NACC2: variants seen among roughly 807,000 people sequenced by gnomAD.
NACC2 encodes the protein NACC family member 2, also known as nucleus accumbens-associated protein 2.
A neutral mutation model predicts 25.1 loss-of-function variants in NACC2; 8 were observed. That is an observed-to-expected ratio of 0.32 (90% CI 0.19 to 0.57). The LOEUF is 0.57. NACC2 is among the 20% of genes least tolerant of loss of function. NACC2 has a pLI of 0.89. For missense variants in NACC2, 644 were observed against 650.2 expected, an observed-to-expected ratio of 0.99 and a Z score of 0.10; for synonymous variants, 435 against 294.7, an observed-to-expected ratio of 1.48 and a Z score of -4.88.
intron 1 of NACC2, among the ~76,000 whole-genome samples, chr9:136,063,040 C>T (rs1446725979): frequency 2.0e-5 from 3 of 152,352 alleles, no homozygotes; most frequent in Non-Finnish European, 1.5e-5. Flanking sequence ...CCGACTTTGC[C>T]GTCACTGTTT....
chr9:136,049,612 T>G (rs1840784473), intron 2 of NACC2, 24 bp downstream of exon 2: 2 of 764,596 alleles, frequency 2.6e-6, no homozygotes, highest in Non-Finnish European at 4.9e-6. Context: ...CCAGGTGGTG[T>G]GGGGCTCCAC....
intron 1 of NACC2, among the ~76,000 whole-genome samples, chr9:136,069,721 A>G (rs953998545): frequency 1.3e-5 from 2 of 151,920 alleles, no homozygotes; most frequent in Non-Finnish European, 2.9e-5. Flanking sequence ...TAAAATTATC[A>G]GAGATAGAGT....
At chr9:136,025,032 AC>A (rs1223329861) in intron 2 of NACC2, among the ~76,000 whole-genome samples, 4 of 152,222 alleles carry the variant, frequency 2.6e-5, no homozygotes, top group African/African-American at 9.6e-5. Flanking sequence ...CTGCCAAGAA[AC>A]GAAAAAAACA....
At chr9:136,041,613 GA>G (rs1220059392) in intron 2 of NACC2, among the ~76,000 whole-genome samples, 3 of 152,258 alleles carry the variant, frequency 2.0e-5, no homozygotes, top group Admixed American at 6.5e-5. Flanking sequence ...CGGGGAAATA[GA>G]AATATCTGCC....
chr9:136,071,414 G>A (rs967060734), intron 1 of NACC2, among the ~76,000 whole-genome samples: 1 of 150,914 alleles, frequency 6.6e-6, no homozygotes, highest in Non-Finnish European at 1.5e-5. Context: ...GTGGAGGCAG[G>A]TGCCTGTAAT....
intron 2 of NACC2, among the ~76,000 whole-genome samples, chr9:136,032,310 G>A (rs184389645): frequency 8.5e-5 from 13 of 152,262 alleles, no homozygotes; most frequent in Non-Finnish European, 1.6e-4. Context: ...ACATTAGCAG[G>A]GCAGCAGAGG....
chr9:136,071,645 A>T (rs1841153861), intron 1 of NACC2, among the ~76,000 whole-genome samples: 1 of 152,110 alleles, frequency 6.6e-6, no homozygotes, highest in Non-Finnish European at 1.5e-5. Flanking sequence ...AAAATAGCTA[A>T]GACAATTTTG....
At chr9:136,080,938 C>T (rs1830316688) in intron 1 of NACC2, among the ~76,000 whole-genome samples, 1 of 152,188 alleles carries the variant, frequency 6.6e-6, no homozygotes, top group East Asian at 1.9e-4. Flanking sequence ...CGGGGGGACA[C>T]AGGCCTGGGA....
Position 136,007,734 on chromosome 9 carries a change from G to C in NACC2, c.*3782C>G, listed in dbSNP as rs1840046618. The C allele has an allele frequency of 6.6e-6, 1 of 152,250 alleles. No homozygotes were observed. Among genetic ancestry groups the C allele is most frequent in the South Asian group, 2.1e-4 (1 of 4,836 alleles). 9.4% of individuals were successfully genotyped at this position (152,250 alleles called of 1,614,324 possible). On this transcript the variant is annotated 3_prime_UTR_variant, in exon 6 of 6. Transcript: ENST00000277554. ...AGACAGAGGGTTCTTGGAGTTTTCA[G>C]TTGGTTCATGGGCCATAGATCTTTT...
chr9:136,013,185 C>G lies in NACC2; in HGVS notation c.1255+14G>C. On this transcript the variant is annotated intron_variant, in intron 5 of 5. Transcript: ENST00000277554. The surrounding 1 kb of genome is among the most constrained non-coding windows in gnomAD (Gnocchi z 6.6). ...CCCCGGCCCCACCCACCCGAGAGAC[C>G]CCCAGGCTCTTACATTTCACAGCGT... 6.4e-7 allele frequency: 1 copy of G among 1,552,768 alleles called. No homozygotes were observed. Among genetic ancestry groups the G allele is most frequent in the Non-Finnish European group, 8.9e-7 (1 of 1,128,336 alleles).
intron 1 of NACC2, among the ~76,000 whole-genome samples, chr9:136,069,998 T>C (rs1372713526): frequency 6.6e-6 from 1 of 151,910 alleles, no homozygotes; most frequent in African/African-American, 2.4e-5. Context: ...GCAGAACATA[T>C]GTTCTTTTCA....
Position 136,018,877 on chromosome 9 carries a change from A to AAG in NACC2, c.887-2449_887-2448insCT, listed in dbSNP as rs1164546181. 2.9e-4 allele frequency among the ~76,000 whole-genome samples: 44 copies of AAG among 152,210 alleles called. No individual in the cohort carries two copies. The highest frequency in any genetic ancestry group is 2.4e-3 in the Admixed American group (37 of 15,280). On this transcript the variant is annotated intron_variant, in intron 2 of 5. Coordinates refer to ENST00000277554, the MANE Select transcript of NACC2 (RefSeq NM_144653.5). This position sits in a 1 kb window ranked among gnomAD's most constrained non-coding sequence, Gnocchi z 4.4. ...CGCACGGTGCGTGGCATTTACATAA[A>AAG]GAGTTCACCAACAGAAATAATTCCC...
chr9:136,015,171 CCAAA>C (rs1840181786), intron 3 of NACC2, among the ~76,000 whole-genome samples: 2 of 152,326 alleles, frequency 1.3e-5, no homozygotes, highest in East Asian at 1.9e-4. Flanking sequence ...GCCCCACACC[CCAAA>C]CAGAGGCCAC....
rs1055233404 is a variant in NACC2, at chr9:136,007,428, CAT to C, written c.*4086_*4087del. 35 of 122,088 alleles carry C rather than the reference CAT, an allele frequency of 2.9e-4. No individual in the cohort carries two copies. Among genetic ancestry groups the C allele is most frequent in the East Asian group, 1.5e-3 (6 of 3,966 alleles). 7.6% of individuals were successfully genotyped at this position (122,088 alleles called of 1,614,324 possible). On this transcript the variant is annotated 3_prime_UTR_variant, in exon 6 of 6. Coordinates refer to ENST00000277554, the MANE Select transcript of NACC2 (RefSeq NM_144653.5). Reference sequence around the variant, plus strand: ...ACGTGCACACAGACGCGCGTGCACACATACACACAGACGCGCACACACACGCG... The same window carrying C: ...ACGTGCACACAGACGCGCGTGCACACACACACAGACGCGCACACACACGCG...
chr9:136,063,882 T>TAA (rs1841046367), intron 1 of NACC2, among the ~76,000 whole-genome samples: 2 of 88,182 alleles, frequency 2.3e-5, no homozygotes, highest in Admixed American at 1.2e-4. Flanking sequence ...AGACTCCATC[T>TAA]CAAAAAAAAA....
intron 2 of NACC2, among the ~76,000 whole-genome samples, chr9:136,040,174 T>C (rs1840606980): frequency 6.6e-6 from 1 of 151,882 alleles, no homozygotes; most frequent in South Asian, 2.1e-4. Flanking sequence ...TGAAATCCTG[T>C]CTCTACTAAA....
chr9:136,056,350 G>A (rs1181819671), intron 1 of NACC2, among the ~76,000 whole-genome samples: 1 of 151,950 alleles, frequency 6.6e-6, no homozygotes, highest in Admixed American at 6.5e-5. Flanking sequence ...CCCCAACCCC[G>A]AGGCCCCCAC....
intron 1 of NACC2, among the ~76,000 whole-genome samples, chr9:136,053,465 C>G (rs1003124844): frequency 6.6e-6 from 1 of 152,136 alleles, no homozygotes; most frequent in Admixed American, 6.5e-5. Context: ...TGGGCTCCAC[C>G]GGGCCAGGAG....
intron 2 of NACC2, among the ~76,000 whole-genome samples, chr9:136,021,213 T>C (rs1378155449): frequency 2.0e-5 from 3 of 152,190 alleles, no homozygotes; most frequent in African/African-American, 2.4e-5. Context: ...GTTCCAAGAA[T>C]GGGCAAAAGA....
Sources: allele counts gnomAD v4.1 joint callset (sites outside exome capture counted in the v4.1 genomes callset), GRCh38; gene constraint gnomAD v4.1.1; non-coding constraint Gnocchi (gnomAD v3.1); transcripts MANE v1.5; gene names NCBI Gene and HGNC (gene_info 2026-07-23, HGNC 2026-07-21).